Variants in CPNE4 observed in about 807,000 individuals in gnomAD.
CPNE4 encodes copine 4, also known as copine-4.
Under a neutral mutation model 67.9 loss-of-function variants are expected in CPNE4, and 25 were observed. The ratio of observed to expected loss-of-function variants is 0.37; its 90% CI spans 0.27 to 0.51. The LOEUF is 0.51. Among genes scored for constraint, CPNE4 ranks in the 20% least tolerant of loss-of-function variants. The pLI is 0.93. For synonymous variants in CPNE4, 242 were observed against 244.9 expected (o/e 0.99, Z 0.11); for missense variants, 464 against 690.8 (o/e 0.67, Z 3.68).
intron 1 of CPNE4, among the ~76,000 whole-genome samples, chr3:132,026,927 G>C (rs1252359647): frequency 2.0e-5 from 3 of 152,182 alleles, no homozygotes; most frequent in African/African-American, 7.2e-5. Context: ...TTAAGTGCCA[G>C]AGCCAGCGTT....
chr3:131,870,402 G>C (rs1412537741), intron 2 of CPNE4, among the ~76,000 whole-genome samples: 2 of 152,174 alleles, frequency 1.3e-5, no homozygotes, highest in Non-Finnish European at 2.9e-5. Context: ...CGATATGAGG[G>C]CTTTAGCTGC....
At chr3:131,798,932 G>C (rs1290455728) in intron 2 of CPNE4, among the ~76,000 whole-genome samples, 2 of 151,734 alleles carry the variant, frequency 1.3e-5, no homozygotes, top group Admixed American at 6.6e-5. Context: ...AAACCCAAAA[G>C]AAATTAATAA....
chr3:131,982,204 A>G (rs2072925553), intron 1 of CPNE4, among the ~76,000 whole-genome samples: 1 of 152,172 alleles, frequency 6.6e-6, no homozygotes, highest in Non-Finnish European at 1.5e-5. Context: ...TATCAAGATA[A>G]ATTGTCTTAC....
chr3:131,649,477 C>T (rs1430069593), intron 7 of CPNE4, among the ~76,000 whole-genome samples: 3 of 152,198 alleles, frequency 2.0e-5, no homozygotes, highest in Non-Finnish European at 2.9e-5. Context: ...TGTTGTGGCA[C>T]ACTATAGGGC....
chr3:131,728,588 A>T (rs1467642529), intron 2 of CPNE4, among the ~76,000 whole-genome samples: 1 of 152,146 alleles, frequency 6.6e-6, no homozygotes, highest in Non-Finnish European at 1.5e-5. Context: ...TTTGAGATAC[A>T]GTGGGGGCCC....
At chr3:131,777,126 A>C (rs945878397) in intron 2 of CPNE4, among the ~76,000 whole-genome samples, 3 of 152,122 alleles carry the variant, frequency 2.0e-5, no homozygotes, top group Admixed American at 2.0e-4. Context: ...TAAACAGCAC[A>C]CATTAATCTT....
At chr3:131,621,163 T>C (rs2107759321) in intron 7 of CPNE4, among the ~76,000 whole-genome samples, 1 of 152,328 alleles carries the variant, frequency 6.6e-6, no homozygotes, top group Non-Finnish European at 1.5e-5. Context: ...TTCCTTTGAC[T>C]CTGAGACCCA....
chr3:132,035,418 A>G (rs1239538338), upstream of CPNE4: 1 of 152,220 alleles, frequency 6.6e-6, no homozygotes, highest in African/African-American at 2.4e-5. Flanking sequence ...CGTGTCTACA[A>G]AACTGTCTGG....
chr3:131,655,908 A>G (rs1261925826), intron 7 of CPNE4, among the ~76,000 whole-genome samples: 4 of 152,200 alleles, frequency 2.6e-5, no homozygotes, highest in African/African-American at 4.8e-5. Flanking sequence ...GTACTAAACC[A>G]TAAAATACGC....
At chr3:131,980,346 A>G (rs139938838) in intron 1 of CPNE4, among the ~76,000 whole-genome samples, 2,163 of 152,150 alleles carry the variant, frequency 0.014, 59 homozygotes, top group African/African-American at 0.049. Context: ...CTTAGGTTTG[A>G]TTGTTTAACA....
intron 2 of CPNE4, among the ~76,000 whole-genome samples, chr3:131,855,396 C>T (rs1198101943): frequency 6.6e-6 from 1 of 151,952 alleles, no homozygotes; most frequent in Non-Finnish European, 1.5e-5. Flanking sequence ...TTAAGGGTGC[C>T]CATCTACAGC....
intron 1 of CPNE4, among the ~76,000 whole-genome samples, chr3:132,018,686 C>G (rs1004960539): frequency 2.0e-5 from 3 of 152,154 alleles, no homozygotes; most frequent in Non-Finnish European, 2.9e-5. Flanking sequence ...TTAAAGCAAA[C>G]CAGTTCCAAA....
chr3:131,693,179 G>T (rs2081069045), intron 5 of CPNE4, among the ~76,000 whole-genome samples: 1 of 152,180 alleles, frequency 6.6e-6, no homozygotes, highest in Non-Finnish European at 1.5e-5. Context: ...CTCTGTCACT[G>T]TGGTTTGCAA....
chr3:131,813,448 CAT>C (rs1217279276), intron 2 of CPNE4, among the ~76,000 whole-genome samples: 1 of 148,106 alleles, frequency 6.8e-6, no homozygotes, highest in Non-Finnish European at 1.5e-5. Context: ...TAGAAAAATA[CAT>C]ATTTTAAAAA....
Position 131,634,401 on chromosome 3 carries a change from G to A in CPNE4, c.681+35274C>T, listed in dbSNP as rs923819937. On this transcript the variant is annotated intron_variant, in intron 7 of 15. Transcript: ENST00000429747. ...ACTTTGAATAATTTCTTCAGGTGTAGCTGTCAGAATCAATGAAGAAAGTAA... is the reference window on the plus strand; with the variant it reads ...ACTTTGAATAATTTCTTCAGGTGTAACTGTCAGAATCAATGAAGAAAGTAA... Among the ~76,000 whole-genome samples, 21 of 152,132 alleles carry A rather than the reference G, an allele frequency of 1.4e-4. 1 individual carries two copies.
chr3:131,915,498 A>T (rs1180571004), intron 1 of CPNE4, among the ~76,000 whole-genome samples: 1 of 152,218 alleles, frequency 6.6e-6, no homozygotes, highest in African/African-American at 2.4e-5. Flanking sequence ...TGGTGGAGCT[A>T]CAACACCCAG....
At chr3:131,669,095 G>A (rs1375698881) in intron 7 of CPNE4, among the ~76,000 whole-genome samples, 1 of 152,140 alleles carries the variant, frequency 6.6e-6, no homozygotes, top group Non-Finnish European at 1.5e-5. Context: ...GTGTGTGTTA[G>A]TCCAAGCTGG....
chr3:131,782,662 T>C (rs1363711891), intron 2 of CPNE4, among the ~76,000 whole-genome samples: 1 of 152,036 alleles, frequency 6.6e-6, no homozygotes, highest in African/African-American at 2.4e-5. Flanking sequence ...AGGGCAGAGA[T>C]TTAGGTTTCC....
chr3:131,728,382 T>C (rs1472940437), intron 2 of CPNE4, among the ~76,000 whole-genome samples: 1 of 152,206 alleles, frequency 6.6e-6, no homozygotes, highest in Non-Finnish European at 1.5e-5. Context: ...TGAACCTATG[T>C]AGTTAAGCTC....
Sources: gnomAD v4.1 joint callset for allele counts (sites outside exome capture counted in the v4.1 genomes callset) on GRCh38, gnomAD v4.1.1 for gene constraint, MANE v1.5 for transcripts, NCBI Gene and HGNC (gene_info 2026-07-23, HGNC 2026-07-21) for gene names.